Variants in PPHLN1 observed in about 807,000 individuals in gnomAD.
PPHLN1 encodes periphilin-1.
A neutral mutation model predicts 51.3 loss-of-function variants in PPHLN1; 29 were observed. The observed-to-expected ratio is 0.57, with a 90% CI of 0.42 to 0.77. The LOEUF (loss-of-function observed/expected upper bound fraction) is 0.77, where lower values mean the gene tolerates loss of function less well. PPHLN1 is among the 30% of genes least tolerant of loss of function. The pLI is 0.00. For missense variants in PPHLN1, 436 were observed against 438.4 expected (o/e 0.99, Z 0.05); for synonymous variants, 147 against 147.8 (o/e 0.99, Z 0.04).
At chr12:42,375,275 C>T in intron 5 of PPHLN1, 2 of 352,884 alleles carry the variant, frequency 5.7e-6, no homozygotes, top group Non-Finnish European at 1.0e-5. Flanking sequence ...AAGTGGCATT[C>T]TGCATGACAC....
At chr12:42,433,116 A>G (rs144813331) in intron 9 of PPHLN1, 9 of 777,522 alleles carry the variant, frequency 1.2e-5, no homozygotes, top group South Asian at 6.8e-5. Flanking sequence ...AAATGTGACT[A>G]TTTCATTGTA....
intron 9 of PPHLN1, among the ~76,000 whole-genome samples, chr12:42,409,187 T>C (rs578036182): frequency 6.6e-6 from 1 of 152,088 alleles, no homozygotes; most frequent in Non-Finnish European, 1.5e-5. Context: ...AAACTGCTGA[T>C]TGGGGGTGAG....
At chr12:42,350,720 C>T (rs1225487919) in intron 2 of PPHLN1, among the ~76,000 whole-genome samples, 1 of 152,156 alleles carries the variant, frequency 6.6e-6, no homozygotes, top group Non-Finnish European at 1.5e-5. Flanking sequence ...CCCGGCACCT[C>T]GGGAGGCTGA....
In PPHLN1 at chr12:42,374,898, A is replaced by G. The variant is rs149381575; in HGVS notation, c.335A>G (p.Tyr112Cys). The G allele has an allele frequency of 3.5e-5, 56 of 1,609,816 alleles. No individual in the cohort carries two copies. The highest frequency in any genetic ancestry group is 6.7e-5 in the Admixed American group (4 of 59,504). Reference sequence around the variant, plus strand: ...GATGGCTTTAGAAGAAAAAGTTTCTACTCTTCCCATTATGCGAGAGAGCGG... The same window carrying G: ...GATGGCTTTAGAAGAAAAAGTTTCTGCTCTTCCCATTATGCGAGAGAGCGG... ...MRDGFRRKSF[Y>C]SSHYARERSP... The change falls in exon 5 of 10, where the codon TAC (tyrosine) becomes TGC (cysteine). Residue 112 changes from tyrosine to cysteine, a missense_variant. Tyr to Cys is a radical substitution (Grantham distance 194). Coordinates refer to ENST00000358314, the MANE Select transcript of PPHLN1 (RefSeq NM_201439.2).
intron 5 of PPHLN1, among the ~76,000 whole-genome samples, chr12:42,382,943 CTTG>C (rs532686023): frequency 5.9e-5 from 9 of 152,070 alleles, no homozygotes; most frequent in Non-Finnish European, 1.2e-4. Flanking sequence ...TCTATTATCT[CTTG>C]TTGTGTTACA....
chr12:42,425,110 C>T (rs61926593), intron 9 of PPHLN1, among the ~76,000 whole-genome samples: 51,176 of 151,502 alleles, frequency 0.34, 9,425 homozygotes, highest in South Asian at 0.46. Context: ...GATAGAGTTT[C>T]GCTCTTGCTG....
downstream of PPHLN1, chr12:42,443,950 T>C (rs1323199254): frequency 7.2e-5 from 11 of 152,194 alleles, no homozygotes; most frequent in Non-Finnish European, 1.5e-5. Flanking sequence ...TCTCAAGCAA[T>C]GCTGAACAGT....
chr12:42,420,900 C>T (rs1298981058), intron 9 of PPHLN1, among the ~76,000 whole-genome samples: 1 of 151,948 alleles, frequency 6.6e-6, no homozygotes, highest in Non-Finnish European at 1.5e-5. Context: ...ATAATGTCAA[C>T]TGTCTTCCCT....
At chr12:42,415,576 C>T (rs147791066) in intron 9 of PPHLN1, among the ~76,000 whole-genome samples, 118 of 152,360 alleles carry the variant, frequency 7.7e-4, no homozygotes, top group African/African-American at 2.7e-3. Flanking sequence ...CTCACTCTTA[C>T]ATGAGCTCGA....
chr12:42,446,007 A>T (rs1213640702), downstream of PPHLN1: 1 of 1,540,408 alleles, frequency 6.5e-7, no homozygotes, highest in African/African-American at 1.4e-5. Context: ...GCATCAAACC[A>T]TACCATAGTG....
intron 6 of PPHLN1, 93 bp downstream of exon 6, chr12:42,385,089 C>T: frequency 7.8e-7 from 1 of 1,283,820 alleles, no homozygotes. Flanking sequence ...TGTATAACTG[C>T]TCCATTAGTC....
chr12:42,365,000 A>G (rs2075118189), intron 4 of PPHLN1, among the ~76,000 whole-genome samples: 1 of 152,208 alleles, frequency 6.6e-6, no homozygotes, highest in African/African-American at 2.4e-5. Context: ...TACTTTTTCT[A>G]GAATGCTTTT....
chr12:42,438,412 G>C (rs1485320685), intron 9 of PPHLN1, among the ~76,000 whole-genome samples: 1 of 152,120 alleles, frequency 6.6e-6, no homozygotes, highest in Non-Finnish European at 1.5e-5. Flanking sequence ...TGGATTTTAA[G>C]CATTCTAATA....
chr12:42,354,631 TA>T (rs1162892329), intron 3 of PPHLN1, among the ~76,000 whole-genome samples: 1 of 152,178 alleles, frequency 6.6e-6, no homozygotes, highest in Non-Finnish European at 1.5e-5. Flanking sequence ...TAAATTTATT[TA>T]AACTTAAATA....
chr12:42,387,013 T>C (rs2077250785), intron 6 of PPHLN1: 1 of 152,588 alleles, frequency 6.6e-6, no homozygotes, highest in African/African-American at 2.4e-5. Flanking sequence ...TTCAGGAATA[T>C]CTGCTAAAGT....
intron 9 of PPHLN1, among the ~76,000 whole-genome samples, chr12:42,428,178 A>G (rs568358123): frequency 6.6e-6 from 1 of 152,376 alleles, no homozygotes; most frequent in East Asian, 1.9e-4. Context: ...AAACTAGTAC[A>G]GCCATTATGG....
At chr12:42,411,492 C>T (rs548702116) in intron 9 of PPHLN1, among the ~76,000 whole-genome samples, 15 of 151,998 alleles carry the variant, frequency 9.9e-5, no homozygotes, top group African/African-American at 2.4e-4. Context: ...AACGAAGGGA[C>T]GAACATAGAA....
Position 42,396,615 on chromosome 12 carries a change from C to CAAAAAAAAAAAAAA in PPHLN1, c.769-2219_769-2206dup, listed in dbSNP as rs60131845. Among the ~76,000 whole-genome samples the CAAAAAAAAAAAAAA allele has an allele frequency of 2.7e-4, 23 of 85,484 alleles. 2 individuals carry two copies. The highest frequency in any genetic ancestry group is 5.7e-3 in the Middle Eastern group (1 of 174). 56.1% of individuals were successfully genotyped at this position (85,484 alleles called of 152,430 possible). On this transcript the variant is annotated intron_variant, in intron 8 of 9. Coordinates refer to ENST00000358314, the MANE Select transcript of PPHLN1 (RefSeq NM_201439.2). The stretch of plus-strand genomic sequence containing the variant: ...GCAATGTAGTAAGGTCTTGTCACTA[C>CAAAAAAAAAAAAAA]AAAAAAAAAAAAAAAAAAAAAAAAA...
At chr12:42,338,078 C>T (rs1375575783) in intron 2 of PPHLN1, among the ~76,000 whole-genome samples, 2 of 152,192 alleles carry the variant, frequency 1.3e-5, no homozygotes, top group African/African-American at 2.4e-5. Flanking sequence ...GCCACTGCCA[C>T]TGCACCCGCA....
Sources: gnomAD v4.1 joint callset for allele counts (sites outside exome capture counted in the v4.1 genomes callset) on GRCh38, gnomAD v4.1.1 for gene constraint, MANE v1.5 for transcripts, NCBI Gene and HGNC (gene_info 2026-07-23, HGNC 2026-07-21) for gene names.